The following ALK variants were observed in gnomAD, a reference collection of about 807,000 sequenced individuals.
The protein encoded by ALK is ALK receptor tyrosine kinase.
A neutral mutation model predicts 163.1 loss-of-function variants in ALK; 74 were observed. The ratio of observed to expected loss-of-function variants is 0.45; its 90% CI spans 0.38 to 0.55. The LOEUF is 0.55. Among genes scored for constraint, ALK ranks in the 20% least tolerant of loss-of-function variants. The probability of loss-of-function intolerance (pLI) is 0.00; values close to 1 mark genes in which losing one functional copy is unlikely to be tolerated. For missense variants in ALK, 2,063 were observed against 2,105.3 expected, an observed-to-expected ratio of 0.98 and a Z score of 0.39; for synonymous variants, 960 against 843.2, an observed-to-expected ratio of 1.14 and a Z score of -2.40.
intron 25 of ALK, chr2:29,208,145 A>G: frequency 2.3e-6 from 1 of 430,278 alleles, no homozygotes; most frequent in Admixed American, 2.4e-5. Context: ...TAGAAAACAC[A>G]GTAATGCAGG....
chr2:29,271,255 G>A (rs1444182904), intron 11 of ALK, among the ~76,000 whole-genome samples: 1 of 152,230 alleles, frequency 6.6e-6, no homozygotes, highest in Non-Finnish European at 1.5e-5. Flanking sequence ...AATGGCTCTA[G>A]CTACAAATTC....
At chr2:29,649,250 G>A (rs564712509) in intron 3 of ALK, among the ~76,000 whole-genome samples, 140 of 146,498 alleles carry the variant, frequency 9.6e-4, no homozygotes, top group East Asian at 4.3e-3. Flanking sequence ...GAGAAAGTGC[G>A]TGCGTGTGTG....
intron 3 of ALK, among the ~76,000 whole-genome samples, chr2:29,688,919 G>A (rs1558442856): frequency 6.6e-6 from 1 of 152,182 alleles, no homozygotes; most frequent in Non-Finnish European, 1.5e-5. Flanking sequence ...ATAAATGCCG[G>A]ACTTGAAGCC....
intron 1 of ALK, among the ~76,000 whole-genome samples, chr2:29,795,891 C>T (rs1435302059): frequency 6.6e-6 from 1 of 152,066 alleles, no homozygotes; most frequent in Non-Finnish European, 1.5e-5. Flanking sequence ...ATAAAAAGGA[C>T]ATAACTGCAT....
chr2:29,714,904 C>T (rs1436246857), intron 2 of ALK, among the ~76,000 whole-genome samples: 1 of 152,130 alleles, frequency 6.6e-6, no homozygotes, highest in Non-Finnish European at 1.5e-5. Context: ...AGACTCTTGG[C>T]CTTAGCTCTG....
intron 5 of ALK, among the ~76,000 whole-genome samples, chr2:29,332,069 A>G (rs376587291): frequency 2.6e-5 from 4 of 151,764 alleles, no homozygotes; most frequent in Non-Finnish European, 5.9e-5. Context: ...GGCAGATCAC[A>G]AGGTCAGGAG....
rs115705796 is a variant in ALK at position 29,334,393 on chromosome 2, T to C, written c.1283-5912A>G. Among the ~76,000 whole-genome samples, 961 of 152,298 alleles carry C rather than the reference T, an allele frequency of 6.3e-3. 10 individuals carry two copies. The highest frequency in any genetic ancestry group is 0.022 in the African/African-American group (930 of 41,552). ...CTGGGGAAGGTCTCATTATGTCCAT[T>C]TGATAGTTGAGAATACCAAAGCTCC... On this transcript the variant is annotated intron_variant, in intron 5 of 28. Transcript: ENST00000389048.
At chr2:29,347,763 C>T (rs980129577) in intron 5 of ALK, among the ~76,000 whole-genome samples, 2 of 152,172 alleles carry the variant, frequency 1.3e-5, no homozygotes, top group Non-Finnish European at 2.9e-5. Flanking sequence ...CTAGCTCTTT[C>T]CATCTGAAGA....
chr2:29,341,945 T>C lies in ALK; in HGVS notation c.1283-13464A>G, dbSNP rs181905201. Among the ~76,000 whole-genome samples, 332 of 152,248 alleles carry C rather than the reference T, an allele frequency of 2.2e-3. 3 individuals carry two copies. The highest frequency in any genetic ancestry group is 7.6e-3 in the African/African-American group (315 of 41,558). The stretch of plus-strand genomic sequence containing the variant: ...GTCTGAACTTCTCAGAACCACAAGA[T>C]TGGGAGAAACCTAATGAAGAAGGAA... On this transcript the variant is annotated intron_variant, in intron 5 of 28. Transcript: ENST00000389048.
At chr2:29,455,901 C>T (rs1045902689) in intron 4 of ALK, among the ~76,000 whole-genome samples, 5 of 152,124 alleles carry the variant, frequency 3.3e-5, no homozygotes, top group Admixed American at 1.3e-4. Context: ...GTGGTTTTCC[C>T]GAGGTCCCTG....
chr2:29,858,195 A>G (rs1456250831), intron 1 of ALK, among the ~76,000 whole-genome samples: 1 of 152,162 alleles, frequency 6.6e-6, no homozygotes, highest in African/African-American at 2.4e-5. Flanking sequence ...TTGCCCCTGT[A>G]TAACCACACC....
At chr2:29,391,597 G>A (rs140852661) in intron 4 of ALK, among the ~76,000 whole-genome samples, 185 of 152,120 alleles carry the variant, frequency 1.2e-3, no homozygotes, top group Non-Finnish European at 1.1e-3. Context: ...ATGAGCCACC[G>A]CACCGGCCTC....
chr2:29,438,869 G>C (rs1416631155), intron 4 of ALK, among the ~76,000 whole-genome samples: 1 of 152,134 alleles, frequency 6.6e-6, no homozygotes, highest in Non-Finnish European at 1.5e-5. Context: ...TACTGATTTG[G>C]GGAGGAGAGC....
intron 4 of ALK, among the ~76,000 whole-genome samples, chr2:29,448,235 T>G (rs372801314): frequency 9.8e-5 from 15 of 152,300 alleles, no homozygotes; most frequent in Middle Eastern, 3.4e-3. Context: ...GCTGGAAACC[T>G]TTTTGATTTT....
At chr2:29,278,109 A>G (rs1528427) in intron 9 of ALK, among the ~76,000 whole-genome samples, 137,692 of 152,088 alleles carry the variant, frequency 0.91, 63,328 homozygotes, top group Non-Finnish European at 0.99. Context: ...CACAGAGAAG[A>G]CAGTATTTAA....
chr2:29,544,644 A>G (rs775749082), intron 3 of ALK, among the ~76,000 whole-genome samples: 25 of 151,966 alleles, frequency 1.6e-4, no homozygotes, highest in Non-Finnish European at 3.2e-4. Flanking sequence ...TGTCTAATCT[A>G]TATCTATATC....
intron 3 of ALK, among the ~76,000 whole-genome samples, chr2:29,561,196 T>C (rs1321408433): frequency 2.0e-5 from 3 of 152,224 alleles, no homozygotes; most frequent in Admixed American, 2.0e-4. Flanking sequence ...GCTCGCATTA[T>C]ATTTCTATTG....
At chr2:29,511,345 T>C (rs1389690077) in intron 4 of ALK, among the ~76,000 whole-genome samples, 2 of 152,168 alleles carry the variant, frequency 1.3e-5, no homozygotes, top group Admixed American at 1.3e-4. Context: ...TAGAGATTAG[T>C]AGATTAGTTT....
chr2:29,382,399 A>T (rs752154866), intron 5 of ALK, among the ~76,000 whole-genome samples: 1 of 152,180 alleles, frequency 6.6e-6, no homozygotes, highest in African/African-American at 2.4e-5. Context: ...AAACATCTAT[A>T]GCTTGAGATC....
Sources: allele counts gnomAD v4.1 joint callset (sites outside exome capture counted in the v4.1 genomes callset), GRCh38; gene constraint gnomAD v4.1.1; transcripts MANE v1.5; gene names NCBI Gene and HGNC (gene_info 2026-07-23, HGNC 2026-07-21).